The following GRIA4 variants were observed in gnomAD, a reference collection of about 807,000 sequenced individuals.
GRIA4 encodes the protein glutamate ionotropic receptor AMPA type subunit 4.
In GRIA4, 34 loss-of-function variants were observed where a neutral mutation model predicts 104.0. The observed-to-expected ratio is 0.33, with a 90% CI of 0.25 to 0.44. The LOEUF (loss-of-function observed/expected upper bound fraction) is 0.44, where lower values mean the gene tolerates loss of function less well. Ranked by LOEUF, GRIA4 falls within the 20% of genes least tolerant of loss-of-function variation. The probability of loss-of-function intolerance (pLI) is 1.00; values close to 1 mark genes in which losing one functional copy is unlikely to be tolerated. For synonymous variants in GRIA4, 386 were observed against 381.9 expected (o/e 1.01, Z -0.13); for missense variants, 750 against 1,096.5 (o/e 0.68, Z 4.46).
intron 4 of GRIA4, among the ~76,000 whole-genome samples, chr11:105,756,211 C>T (rs539629770): frequency 1.1e-4 from 17 of 152,204 alleles, no homozygotes; most frequent in Non-Finnish European, 1.5e-4. Flanking sequence ...CAGTTCACAA[C>T]GAATTAAAAT....
chr11:105,866,409 T>C (rs989569949), intron 5 of GRIA4, among the ~76,000 whole-genome samples: 2 of 151,408 alleles, frequency 1.3e-5, no homozygotes, highest in Admixed American at 6.6e-5. Context: ...TCTACAAACA[T>C]TTGTTAAGTC....
At chr11:105,837,708 G>A (rs1039562005) in intron 4 of GRIA4, among the ~76,000 whole-genome samples, 4 of 152,020 alleles carry the variant, frequency 2.6e-5, no homozygotes, top group Admixed American at 6.6e-5. Flanking sequence ...TCAGTGTGAA[G>A]AATTTTTTAA....
chr11:105,881,293 T>C (rs1386315643), intron 5 of GRIA4, among the ~76,000 whole-genome samples: 1 of 152,182 alleles, frequency 6.6e-6, no homozygotes, highest in Admixed American at 6.5e-5. Context: ...TTCTAAACTC[T>C]TCCTTCTCCA....
chr11:105,612,270 T>C lies in GRIA4; in HGVS notation c.89-6T>C, dbSNP rs1210736887. On this transcript the variant is annotated splice_region_variant and splice_polypyrimidine_tract_variant and intron_variant, in intron 2 of 16. Coordinates refer to ENST00000282499, the MANE Select transcript of GRIA4 (RefSeq NM_000829.4). ...GTGAATGTGCTTTTCCTGCTGTTTTTAATAGGTGGTCTCTTCATCCGAAAC... is the reference window on the plus strand; with the variant it reads ...GTGAATGTGCTTTTCCTGCTGTTTTCAATAGGTGGTCTCTTCATCCGAAAC... 1.2e-6 allele frequency: 2 copies of C among 1,613,926 alleles called. No individual in the cohort carries two copies. Among genetic ancestry groups the C allele is most frequent in the Admixed American group, 3.3e-5 (2 of 60,026 alleles).
chr11:105,952,791 C>A (rs891170170), intron 14 of GRIA4, among the ~76,000 whole-genome samples: 4 of 152,158 alleles, frequency 2.6e-5, no homozygotes, highest in Non-Finnish European at 5.9e-5. Flanking sequence ...TTTTCAAGTG[C>A]TCATTGCAAA....
At chr11:105,898,449 C>A in intron 7 of GRIA4, 22 bp downstream of exon 7, 2 of 1,338,166 alleles carry the variant, frequency 1.5e-6, no homozygotes, top group Non-Finnish European at 2.1e-6. Flanking sequence ...TTTTTATCTA[C>A]TGTATTACTG....
At chr11:105,734,000 T>C (rs113100746) in intron 3 of GRIA4, among the ~76,000 whole-genome samples, 8 of 147,378 alleles carry the variant, frequency 5.4e-5, no homozygotes, top group African/African-American at 1.5e-4. Context: ...AATACATATA[T>C]ATATTATATA....
chr11:105,621,708 T>C (rs1220432184), intron 3 of GRIA4, among the ~76,000 whole-genome samples: 5 of 151,812 alleles, frequency 3.3e-5, no homozygotes, highest in South Asian at 4.1e-4. Context: ...TGACTATTCC[T>C]GCAAGATCAG....
intron 4 of GRIA4, among the ~76,000 whole-genome samples, chr11:105,846,653 G>A (rs935922578): frequency 6.6e-6 from 1 of 152,078 alleles, no homozygotes; most frequent in South Asian, 2.1e-4. Flanking sequence ...GAACTTCTTG[G>A]TAATCAGTGA....
chr11:105,831,463 G>A (rs1237827549), intron 4 of GRIA4, among the ~76,000 whole-genome samples: 2 of 152,010 alleles, frequency 1.3e-5, no homozygotes, highest in Non-Finnish European at 2.9e-5. Context: ...AAAGGACACT[G>A]TTGGGGGCTA....
At chr11:105,794,184 C>G (rs1456926796) in intron 4 of GRIA4, among the ~76,000 whole-genome samples, 1 of 151,526 alleles carries the variant, frequency 6.6e-6, no homozygotes, top group Non-Finnish European at 1.5e-5. Flanking sequence ...TTCCAAATTC[C>G]AATGGCCGAT....
chr11:105,677,524 A>C (rs1952577134), intron 3 of GRIA4, among the ~76,000 whole-genome samples: 1 of 151,960 alleles, frequency 6.6e-6, no homozygotes. Flanking sequence ...ATTCAAACAA[A>C]GAAGTAGTTT....
At chr11:105,717,863 TC>T (rs941332108) in intron 3 of GRIA4, among the ~76,000 whole-genome samples, 4 of 64,764 alleles carry the variant, frequency 6.2e-5, no homozygotes, top group African/African-American at 1.9e-4. Flanking sequence ...CCCTCCCCCC[TC>T]CCCCCACCCC....
intron 14 of GRIA4, among the ~76,000 whole-genome samples, chr11:105,946,430 A>G (rs1043087449): frequency 3.3e-5 from 5 of 152,014 alleles, no homozygotes; most frequent in Admixed American, 6.6e-5. Flanking sequence ...AAAAAAATAG[A>G]AAACAATTAG....
At position 105,933,726 on chromosome 11, in the gene GRIA4, C is replaced by A. The variant is rs1175833134; in HGVS notation, c.2051C>A (p.Ser684Ter). The A allele has an allele frequency of 6.4e-7, 1 of 1,573,250 alleles. No individual in the cohort carries two copies. Among genetic ancestry groups the A allele is most frequent in the South Asian group, 1.2e-5 (1 of 86,760 alleles). Residue 684 changes from serine to a stop codon, truncating the protein, a stop_gained, in exon 14 of 17, where the codon TCA (serine) becomes TAA (stop). Coordinates refer to ENST00000282499, the MANE Select transcript of GRIA4 (RefSeq NM_000829.4). LOFTEE classifies it high-confidence loss of function. Reference sequence around the variant, plus strand: ...TTTTATTTTAATTTCCTCCAGAGATCAAAAATAGCAGTGTATGAAAAGATG... The same window carrying A: ...TTTTATTTTAATTTCCTCCAGAGATAAAAAATAGCAGTGTATGAAAAGATG... ...SGSTKEFFRR[S>*]KIAVYEKMWT... is the part of the protein sequence containing the mutation.
rs1400574683 is a variant in GRIA4 at position 105,898,316 on chromosome 11, T to C, written c.774T>C (p.Asn258=). 3 of 1,574,176 alleles carry C rather than the reference T, an allele frequency of 1.9e-6. No homozygotes were observed. Among genetic ancestry groups the C allele is most frequent in the Middle Eastern group, 1.7e-4 (1 of 6,006 alleles). ...SLERFIHGGA[N]VTGFQLVDFN... is the part of the protein sequence containing the mutation. ...AGAGGTTTATACATGGTGGAGCCAA[T>C]GTTACTGGATTCCAGTTGGTGGATT... The change falls in exon 7 of 17, where the codon AAT becomes AAC. Residue 258 remains asparagine, a synonymous_variant. Coordinates refer to ENST00000282499, the MANE Select transcript of GRIA4 (RefSeq NM_000829.4).
Position 105,910,424 on chromosome 11 carries a change from C to T in GRIA4, c.1159-11C>T. On this transcript the variant is annotated splice_polypyrimidine_tract_variant and intron_variant, in intron 9 of 16. Transcript: ENST00000282499. Reference sequence around the variant, plus strand: ...TAAAATATGTTTTCAAGCATGTTCTCTATTTGGCAGGTTGGTTACTGGAAT... The same window carrying T: ...TAAAATATGTTTTCAAGCATGTTCTTTATTTGGCAGGTTGGTTACTGGAAT... 1 of 1,310,488 alleles carries T rather than the reference C, an allele frequency of 7.6e-7. No homozygotes were observed. Among genetic ancestry groups the T allele is most frequent in the East Asian group, 2.3e-5 (1 of 43,494 alleles). The allele number at this position is 1,310,488 out of a possible 1,614,324, so 81.2% of individuals were successfully genotyped here.
At chr11:105,674,784 T>TA (rs1423647204) in intron 3 of GRIA4, among the ~76,000 whole-genome samples, 10 of 151,920 alleles carry the variant, frequency 6.6e-5, no homozygotes, top group Non-Finnish European at 1.5e-4. Context: ...AATCTTACTT[T>TA]ACTATTACTC....
In GRIA4 at chr11:105,636,601, A is replaced by G. The variant is rs560932030; in HGVS notation, c.247+24167A>G. Among the ~76,000 whole-genome samples, 3 of 152,286 alleles carry G rather than the reference A, an allele frequency of 2.0e-5. No individual in the cohort carries two copies. The East Asian group carries it at 5.8e-4, about 29-fold the overall frequency. ...TCTCCCCTTTTTCCCTTGTGTTCCC[A>G]GGTTTTGGAAGTCCATTTTCTAAAG... On this transcript the variant is annotated intron_variant, in intron 3 of 16. Transcript: ENST00000282499.
Sources: gnomAD v4.1 joint callset for allele counts (sites outside exome capture counted in the v4.1 genomes callset) on GRCh38, gnomAD v4.1.1 for gene constraint, MANE v1.5 for transcripts, NCBI Gene and HGNC (gene_info 2026-07-23, HGNC 2026-07-21) for gene names.